ANKRD30B: variants seen among roughly 807,000 people sequenced by gnomAD.
The protein encoded by ANKRD30B is ankyrin repeat domain-containing protein 30B.
In ANKRD30B, 144 loss-of-function variants were observed where a neutral mutation model predicts 202.2. The observed-to-expected ratio is 0.71, with a 90% confidence interval of 0.62 to 0.82. The LOEUF (loss-of-function observed/expected upper bound fraction) is 0.82, where lower values mean the gene tolerates loss of function less well. ANKRD30B is among the 40% of genes least tolerant of loss of function. The pLI is 0.00. For synonymous variants in ANKRD30B, 508 were observed against 561.3 expected, an observed-to-expected ratio of 0.91 and a Z score of 1.34; for missense variants, 1,487 against 1,669.1, an observed-to-expected ratio of 0.89 and a Z score of 1.90.
intron 19 of ANKRD30B, 23 bp from the exon 20 acceptor site, chr18:14,797,759 T>G: frequency 6.3e-7 from 1 of 1,587,218 alleles, no homozygotes; most frequent in East Asian, 2.3e-5. Context: ...TATATTAATT[T>G]TTGTGTTTCC....
At chr18:14,853,977 A>C (rs1307437064) in intron 43 of ANKRD30B, among the ~76,000 whole-genome samples, 34 bp downstream of exon 43, 1 of 152,234 alleles carries the variant, frequency 6.6e-6, no homozygotes, top group East Asian at 1.9e-4. Flanking sequence ...AAATGATTTC[A>C]AATCAAAAGT....
At chr18:14,796,990 G>A (rs569153392) in intron 18 of ANKRD30B, among the ~76,000 whole-genome samples, 154 of 152,160 alleles carry the variant, frequency 1.0e-3, no homozygotes, top group South Asian at 1.9e-3. Context: ...AAACAGAAAT[G>A]CAGACTTTCC....
chr18:14,785,397 A>G (rs1357995802), intron 14 of ANKRD30B, among the ~76,000 whole-genome samples: 1 of 152,232 alleles, frequency 6.6e-6, no homozygotes, highest in Non-Finnish European at 1.5e-5. Flanking sequence ...TAGGTTGTTT[A>G]TAAAATTCCA....
downstream of ANKRD30B, among the ~76,000 whole-genome samples, chr18:14,859,093 T>C (rs1403603797): frequency 8.3e-4 from 58 of 70,104 alleles, no homozygotes; most frequent in South Asian, 1.5e-3. Flanking sequence ...CCTCACCTCC[T>C]AGATGGGGTG....
chr18:14,831,860 C>T (rs1407136581), intron 34 of ANKRD30B, among the ~76,000 whole-genome samples: 1 of 152,154 alleles, frequency 6.6e-6, no homozygotes, highest in South Asian at 2.1e-4. Flanking sequence ...TTTAAAAACA[C>T]CTCATCCTTA....
Position 14,797,797 on chromosome 18 carries a change from A to T in ANKRD30B, c.1972A>T (p.Lys658Ter). Residue 658 changes from lysine to a stop codon, truncating the protein, a stop_gained, in exon 20 of 44, where the codon AAA (lysine) becomes TAA (stop). Coordinates refer to ENST00000690538, the MANE Select transcript of ANKRD30B (RefSeq NM_001367607.2). LOFTEE classifies it high-confidence loss of function. Reference sequence around the variant, plus strand: ...ACCCATTTAGCCTACCTGTGGAAGGAAAGTTTCTCTTCCAAATAAAGCCTT... The same window carrying T: ...ACCCATTTAGCCTACCTGTGGAAGGTAAGTTTCTCTTCCAAATAAAGCCTT... ...DGLLKPTCGR[K>*]VSLPNKALEL... The T allele has an allele frequency of 6.4e-7, 1 of 1,557,970 alleles. No homozygotes were observed. The highest frequency in any genetic ancestry group is 8.7e-7 in the Non-Finnish European group (1 of 1,150,272).
the ANKRD30B span, among the ~76,000 whole-genome samples, chr18:14,867,389 C>A: frequency 1.3e-5 from 2 of 151,712 alleles, no homozygotes; most frequent in Admixed American, 6.5e-5. Flanking sequence ...GTGGCCATGA[C>A]AGTGGTGGCC....
chr18:14,831,986 T>A (rs1970967104), intron 34 of ANKRD30B, among the ~76,000 whole-genome samples: 1 of 152,194 alleles, frequency 6.6e-6, no homozygotes, highest in Non-Finnish European at 1.5e-5. Flanking sequence ...CATATTATTT[T>A]GATATCATGT....
intron 33 of ANKRD30B, among the ~76,000 whole-genome samples, chr18:14,829,456 A>C (rs575376574): frequency 6.6e-6 from 1 of 152,280 alleles, no homozygotes; most frequent in South Asian, 2.1e-4. Context: ...AGAATAATGG[A>C]ATTAGCTGGA....
intron 30 of ANKRD30B, among the ~76,000 whole-genome samples, chr18:14,821,777 G>A (rs1432963979): frequency 2.0e-5 from 3 of 152,144 alleles, no homozygotes; most frequent in African/African-American, 7.2e-5. Flanking sequence ...TTGTTGATGG[G>A]TATGCTTTGA....
rs1294454996 is a variant in ANKRD30B, at chr18:14,797,670, A to T, written c.1937A>T (p.Asp646Val). 1 of 1,608,700 alleles carries T rather than the reference A, an allele frequency of 6.2e-7. No individual in the cohort carries two copies. Among genetic ancestry groups the T allele is most frequent in the African/African-American group, 1.3e-5 (1 of 74,902 alleles). The change falls in exon 19 of 44, where the codon GAT becomes GTT. Residue 646 changes from aspartate (D) to valine (V), a missense_variant. By Grantham distance (152) the Asp-to-Val change is radical (BLOSUM62 -3). This residue lies in a region of ANKRD30B where 889 missense variants were observed against 841.4 expected (regional missense o/e 1.06). Transcript: ENST00000690538. ...GTCCCTTTTCTTTTAGAGTCTCCTG[A>T]TAAAGATGGTCTTCTGAAGGTAATA... is the stretch of plus-strand genomic sequence containing the variant. The part of the protein sequence containing the change: ...DRETFKAESP[D>V]KDGLLKPTCG...
chr18:14,930,594 T>C, the ANKRD30B span, among the ~76,000 whole-genome samples: 1 of 152,126 alleles, frequency 6.6e-6, no homozygotes, highest in African/African-American at 2.4e-5. Context: ...TGCTATGGGG[T>C]AGACACACCA....
the ANKRD30B span, among the ~76,000 whole-genome samples, chr18:14,879,328 C>G: frequency 6.6e-6 from 1 of 152,258 alleles, no homozygotes; most frequent in Admixed American, 6.5e-5. Flanking sequence ...CACACCACAG[C>G]CTCGGAAGAC....
chr18:14,885,684 G>T, the ANKRD30B span, among the ~76,000 whole-genome samples: 1 of 151,950 alleles, frequency 6.6e-6, no homozygotes, highest in African/African-American at 2.4e-5. Flanking sequence ...AACTCTATGA[G>T]ATAGAAACCC....
chr18:14,777,329 T>C (rs1430981450), intron 9 of ANKRD30B, among the ~76,000 whole-genome samples: 2 of 152,018 alleles, frequency 1.3e-5, no homozygotes, highest in Non-Finnish European at 2.9e-5. Flanking sequence ...GACAGAGTCT[T>C]GCTCCGTCAC....
At chr18:14,870,810 C>T in the ANKRD30B span, among the ~76,000 whole-genome samples, 1 of 152,244 alleles carries the variant, frequency 6.6e-6, no homozygotes, top group East Asian at 1.9e-4. Context: ...TCCCTTGGCC[C>T]CTGCTCTGGT....
At chr18:14,821,513 A>G (rs1358811369) in intron 30 of ANKRD30B, among the ~76,000 whole-genome samples, 2 of 152,154 alleles carry the variant, frequency 1.3e-5, no homozygotes, top group Non-Finnish European at 2.9e-5. Flanking sequence ...GCTGGAGCGC[A>G]GTGGCACGAT....
the ANKRD30B span, among the ~76,000 whole-genome samples, chr18:14,914,046 C>G: frequency 6.6e-6 from 1 of 152,104 alleles, no homozygotes; most frequent in Admixed American, 6.5e-5. Context: ...GGAGTTGAGC[C>G]AGAAAACCTA....
chr18:14,869,318 C>T, the ANKRD30B span, among the ~76,000 whole-genome samples: 17 of 151,532 alleles, frequency 1.1e-4, no homozygotes, highest in Non-Finnish European at 2.4e-4. Context: ...TTCCAGCATT[C>T]TCCTTTCAGT....
Sources: gnomAD v4.1 joint callset for allele counts (sites outside exome capture counted in the v4.1 genomes callset) on GRCh38, gnomAD v4.1.1 for gene constraint, gnomAD v4.1.1 regional missense constraint, MANE v1.5 for transcripts, NCBI Gene and HGNC (gene_info 2026-07-23, HGNC 2026-07-21) for gene names.